Variants in MPZL1 observed in about 807,000 individuals in gnomAD.
MPZL1 encodes the protein myelin protein zero-like protein 1.
In MPZL1, 16 loss-of-function variants were observed where a neutral mutation model predicts 29.3. The ratio of observed to expected loss-of-function variants is 0.55; its 90% CI spans 0.37 to 0.83. MPZL1 has a LOEUF of 0.83. MPZL1 is among the 40% of genes least tolerant of loss of function. MPZL1 has a pLI of 0.00. For missense variants in MPZL1, 279 were observed against 332.9 expected, an observed-to-expected ratio of 0.84 and a Z score of 1.26; for synonymous variants, 143 against 132.0, an observed-to-expected ratio of 1.08 and a Z score of -0.57.
intron 1 of MPZL1, among the ~76,000 whole-genome samples, chr1:167,763,500 CA>C (rs199973930): frequency 2.3e-3 from 257 of 110,888 alleles, no homozygotes; most frequent in Non-Finnish European, 2.4e-3. Context: ...GACTCGGTCT[CA>C]AAAAAAAAAA....
intron 1 of MPZL1, among the ~76,000 whole-genome samples, chr1:167,760,534 T>C (rs2101776875): frequency 6.6e-6 from 1 of 152,058 alleles, no homozygotes; most frequent in Admixed American, 6.5e-5. Context: ...AGAGATGACA[T>C]GTGTAGCTGA....
At chr1:167,741,974 A>C (rs752869995) in intron 1 of MPZL1, among the ~76,000 whole-genome samples, 48 of 151,970 alleles carry the variant, frequency 3.2e-4, no homozygotes, top group Non-Finnish European at 6.2e-4. Flanking sequence ...TTGAGGGTGA[A>C]GTGAGCCATG....
rs1012703292 is a variant in MPZL1, at chr1:167,789,303, C to T, written c.*1382C>T. The T allele has an allele frequency of 2.0e-5, 3 of 151,922 alleles. No individual in the cohort carries two copies. Among genetic ancestry groups the T allele is most frequent in the African/African-American group, 7.3e-5 (3 of 41,320 alleles). The allele number at this position is 151,922 out of a possible 1,614,324, so 9.4% of individuals were successfully genotyped here. A position where few individuals can be genotyped will look rare whatever the true frequency, so the allele number is the denominator to read the frequency against. On this transcript the variant is annotated 3_prime_UTR_variant, in exon 6 of 6. Transcript: ENST00000359523. The stretch of plus-strand genomic sequence containing the variant: ...TTCTGAATTTTTTTTTAAATTTCCC[C>T]CCTTTTAAAATTGTTCGAAAGCCCA...
chr1:167,772,235 C>T (rs751023028), intron 2 of MPZL1, 40 bp from the exon 3 acceptor site: 3 of 1,514,310 alleles, frequency 2.0e-6, no homozygotes, highest in Non-Finnish European at 1.8e-6. Flanking sequence ...GGAATTCTGC[C>T]TTTGAGAATA....
rs1402530567 is a variant in MPZL1, at chr1:167,789,552, GTAAGA to G, written c.*1635_*1639del. 1.3e-5 allele frequency: 2 copies of G among 152,200 alleles called. No homozygotes were observed. Among genetic ancestry groups the G allele is most frequent in the Non-Finnish European group, 2.9e-5 (2 of 68,048 alleles). 9.4% of individuals were successfully genotyped at this position (152,200 alleles called of 1,614,324 possible). ...GAGATTTTGAGGTGTGCACAAGGTGGTAAGATAAAGGGCATATGAGCTTCAAAACT... is the reference window on the plus strand; with the variant it reads ...GAGATTTTGAGGTGTGCACAAGGTGGTAAAGGGCATATGAGCTTCAAAACT... On this transcript the variant is annotated 3_prime_UTR_variant, in exon 6 of 6. Coordinates refer to ENST00000359523, the MANE Select transcript of MPZL1 (RefSeq NM_003953.6).
intron 2 of MPZL1, among the ~76,000 whole-genome samples, chr1:167,772,071 C>T (rs1194033559): frequency 1.3e-5 from 2 of 152,134 alleles, no homozygotes; most frequent in African/African-American, 4.8e-5. Flanking sequence ...TGCAGCGAGC[C>T]AAGATCACGG....
At chr1:167,723,101 C>G (rs1660072894) in intron 1 of MPZL1, among the ~76,000 whole-genome samples, 1 of 152,182 alleles carries the variant, frequency 6.6e-6, no homozygotes, top group Non-Finnish European at 1.5e-5. Context: ...TGCCACAGGA[C>G]TTTTCTGTGT....
At chr1:167,787,280 T>G (rs1273595556) in intron 5 of MPZL1, 2 of 152,292 alleles carry the variant, frequency 1.3e-5, no homozygotes, top group Non-Finnish European at 2.9e-5. Context: ...GTAGTTGTAT[T>G]GAAGAATATT....
At position 167,738,941 on chromosome 1, in the gene MPZL1, T is replaced by C. The variant is rs1340488854; in HGVS notation, c.91+16699T>C. Among the ~76,000 whole-genome samples the C allele has an allele frequency of 3.3e-5, 5 of 152,044 alleles. No homozygotes were observed. The East Asian group carries it at 9.7e-4, about 29-fold the overall frequency. ...TGTGAGAATGGACCAATACATATATTTTGGTTTTTCGGAGTTTTTTTGAGA... is the reference window on the plus strand; with the variant it reads ...TGTGAGAATGGACCAATACATATATCTTGGTTTTTCGGAGTTTTTTTGAGA... On this transcript the variant is annotated intron_variant, in intron 1 of 5. Transcript: ENST00000359523.
chr1:167,744,951 A>G (rs1660614740), intron 1 of MPZL1, among the ~76,000 whole-genome samples: 2 of 152,138 alleles, frequency 1.3e-5, no homozygotes, highest in South Asian at 4.1e-4. Context: ...TTTGGTTAAG[A>G]TGTGGAAACT....
At chr1:167,775,096 A>ATG (rs762631565) in intron 4 of MPZL1, among the ~76,000 whole-genome samples, 2 of 152,114 alleles carry the variant, frequency 1.3e-5, no homozygotes, top group Non-Finnish European at 2.9e-5. Flanking sequence ...GCCATTGTGT[A>ATG]TGTGTGTGTG....
At chr1:167,753,588 C>T (rs1242918248) in intron 1 of MPZL1, among the ~76,000 whole-genome samples, 1 of 151,884 alleles carries the variant, frequency 6.6e-6, no homozygotes, top group Non-Finnish European at 1.5e-5. Flanking sequence ...GTTTGTCCAG[C>T]TGCAGCAGAC....
At chr1:167,727,103 G>T (rs1288287875) in intron 1 of MPZL1, among the ~76,000 whole-genome samples, 2 of 152,060 alleles carry the variant, frequency 1.3e-5, no homozygotes, top group Admixed American at 1.3e-4. Context: ...AACTTATAAG[G>T]GATATGTTAT....
At chr1:167,745,194 T>C (rs74120651) in intron 1 of MPZL1, among the ~76,000 whole-genome samples, 209 of 152,276 alleles carry the variant, frequency 1.4e-3, no homozygotes, top group African/African-American at 4.4e-3. Flanking sequence ...TTCCAAAGGA[T>C]GGCTCACTTG....
At chr1:167,787,292 G>T (rs1481320431) in intron 5 of MPZL1, 1 of 152,410 alleles carries the variant, frequency 6.6e-6, no homozygotes, top group East Asian at 1.9e-4. Context: ...AAGAATATTT[G>T]AAGTGCTTTT....
chr1:167,727,790 G>A (rs753501519), intron 1 of MPZL1, among the ~76,000 whole-genome samples: 54 of 152,148 alleles, frequency 3.5e-4, no homozygotes, highest in Non-Finnish European at 7.1e-4. Context: ...CATAAATTGA[G>A]AAATTGTGGT....
intron 2 of MPZL1, among the ~76,000 whole-genome samples, chr1:167,769,081 T>C (rs578013965): frequency 6.6e-6 from 1 of 152,312 alleles, no homozygotes; most frequent in Non-Finnish European, 1.5e-5. Context: ...CCTGTGACTT[T>C]GGGAAAGTCA....
chr1:167,787,966 G>A lies in MPZL1; in HGVS notation c.*45G>A, dbSNP rs748893161. ...CCTCAGCAAGAAACAAAACCAAACT[G>A]GACTCTCGTGCAGAAAATGTAGCCC... is the stretch of plus-strand genomic sequence containing the variant. On this transcript the variant is annotated 3_prime_UTR_variant, in exon 6 of 6. Transcript: ENST00000359523. 1.3e-5 allele frequency: 20 copies of A among 1,506,006 alleles called. No individual in the cohort carries two copies. The highest frequency in any genetic ancestry group is 1.8e-5 in the Non-Finnish European group (20 of 1,083,112). 93.3% of individuals were successfully genotyped at this position (1,506,006 alleles called of 1,614,324 possible). A position where few individuals can be genotyped will look rare whatever the true frequency, so the allele number is the denominator to read the frequency against.
chr1:167,748,381 T>C (rs1660690267), intron 1 of MPZL1, among the ~76,000 whole-genome samples: 1 of 152,222 alleles, frequency 6.6e-6, no homozygotes, highest in African/African-American at 2.4e-5. Flanking sequence ...TATGCCTTTT[T>C]GCTAATGACT....
Sources: allele counts gnomAD v4.1 joint callset (sites outside exome capture counted in the v4.1 genomes callset), GRCh38; gene constraint gnomAD v4.1.1; transcripts MANE v1.5; gene names NCBI Gene and HGNC (gene_info 2026-07-23, HGNC 2026-07-21).